IKBKB-DT: variants seen among roughly 807,000 people sequenced by gnomAD.
IKBKB-DT encodes IKBKB antisense RNA.
At chr8:42,271,088 G>T (rs1230070372) in exon 1 of IKBKB-DT, 6 of 406,042 alleles carry the variant, frequency 1.5e-5, no homozygotes, top group African/African-American at 4.3e-5. Flanking sequence ...AGAGAACAGG[G>T]TGTAACGGGG....
intron 3 of IKBKB-DT, among the ~76,000 whole-genome samples, chr8:42,262,458 A>ATTT (rs1554503755): frequency 0.034 from 5,090 of 151,710 alleles, 311 homozygotes; most frequent in African/African-American, 0.12. Flanking sequence ...TTATTTATTT[A>ATTT]AGACAGAGTC....
At chr8:42,244,029 A>G (rs578005734) in intron 3 of IKBKB-DT, among the ~76,000 whole-genome samples, 1 of 152,336 alleles carries the variant, frequency 6.6e-6, no homozygotes, top group East Asian at 1.9e-4. Flanking sequence ...TGTCTATACA[A>G]ACTGCAAAAC....
At chr8:42,261,984 A>G (rs898771759) in intron 3 of IKBKB-DT, among the ~76,000 whole-genome samples, 1 of 152,256 alleles carries the variant, frequency 6.6e-6, no homozygotes, top group African/African-American at 2.4e-5. Context: ...TTTTTAGGAC[A>G]CAAAAGGAGA....
At chr8:42,250,633 C>T (rs758137635) in intron 3 of IKBKB-DT, among the ~76,000 whole-genome samples, 31 of 151,846 alleles carry the variant, frequency 2.0e-4, no homozygotes, top group South Asian at 4.2e-4. Context: ...AAGACAGGGC[C>T]GGGAGGGGTG....
chr8:42,238,024 CAAAAAAAAAAAAAAA>C (rs35087510), intron 3 of IKBKB-DT, among the ~76,000 whole-genome samples: 2 of 35,230 alleles, frequency 5.7e-5, no homozygotes, highest in Admixed American at 4.9e-4. Flanking sequence ...GGCCCTCTCT[CAAAAAAAAAAAAAAA>C]AAAAAAAAAA....
At position 42,260,506 on chromosome 8, in the gene IKBKB-DT, C is replaced by G. The variant is rs554689762; in HGVS notation, n.1529+2823G>C. Among the ~76,000 whole-genome samples, 8 of 151,814 alleles carry G rather than the reference C, an allele frequency of 5.3e-5. No individual in the cohort carries two copies. The South Asian group carries it at 1.7e-3, about 32-fold the overall frequency. The stretch of plus-strand genomic sequence containing the variant: ...TGGTGAAACTCCGTTTTAAACCCTA[C>G]TTAAAATACAAAAATTAGCCTAGCT... On this transcript the variant is annotated intron_variant and non_coding_transcript_variant, in intron 3 of 3. Coordinates refer to ENST00000518213, the Ensembl canonical transcript of IKBKB-DT.
chr8:42,241,962 C>T (rs143169489), intron 3 of IKBKB-DT, among the ~76,000 whole-genome samples: 10 of 152,186 alleles, frequency 6.6e-5, no homozygotes, highest in Non-Finnish European at 2.9e-5. Flanking sequence ...ACCTGTAATC[C>T]CAACAGTTTG....
At position 42,257,577 on chromosome 8, in the gene IKBKB-DT, T is replaced by C. The variant is rs143202230; in HGVS notation, n.1529+5752A>G. 7.0e-4 allele frequency among the ~76,000 whole-genome samples: 106 copies of C among 152,126 alleles called. 1 individual carries two copies. In the East Asian group the frequency reaches 0.017, roughly 24 times the overall value. On this transcript the variant is annotated intron_variant and non_coding_transcript_variant, in intron 3 of 3. Transcript: ENST00000518213. Reference sequence around the variant, plus strand: ...ACTTTTTAGGGGCCTTCAGGAAAATTCCAAAGTTAGCTCAAGGTCAAAAAC... The same window carrying C: ...ACTTTTTAGGGGCCTTCAGGAAAATCCCAAAGTTAGCTCAAGGTCAAAAAC...
intron 3 of IKBKB-DT, chr8:42,249,049 A>C (rs958759856): frequency 2.0e-5 from 3 of 152,148 alleles, no homozygotes; most frequent in Admixed American, 6.5e-5. Context: ...TACAACTTTT[A>C]TTAAACATTT....
intron 3 of IKBKB-DT, among the ~76,000 whole-genome samples, chr8:42,245,733 GTAC>G (rs1334226853): frequency 1.3e-5 from 2 of 152,184 alleles, no homozygotes; most frequent in Non-Finnish European, 2.9e-5. Context: ...CCCGGAAAAT[GTAC>G]TGAAAAGATA....
At chr8:42,260,466 C>T (rs1411886782) in intron 3 of IKBKB-DT, among the ~76,000 whole-genome samples, 3 of 151,878 alleles carry the variant, frequency 2.0e-5, no homozygotes, top group Non-Finnish European at 2.9e-5. Context: ...GAGTTTGAGA[C>T]CAGCCTGACC....
intron 1 of IKBKB-DT, among the ~76,000 whole-genome samples, chr8:42,269,785 A>C (rs1308915477): frequency 6.6e-6 from 1 of 152,082 alleles, no homozygotes; most frequent in Non-Finnish European, 1.5e-5. Context: ...CAGGGCTGTC[A>C]GGCACTGCTG....
At chr8:42,252,339 C>T (rs1807140285) in intron 3 of IKBKB-DT, among the ~76,000 whole-genome samples, 1 of 152,146 alleles carries the variant, frequency 6.6e-6, no homozygotes, top group Admixed American at 6.5e-5. Flanking sequence ...TCAGGAGTCC[C>T]TCTCTCTCTG....
chr8:42,253,709 G>A (rs1807158084), intron 3 of IKBKB-DT, among the ~76,000 whole-genome samples: 1 of 152,172 alleles, frequency 6.6e-6, no homozygotes, highest in Non-Finnish European at 1.5e-5. Context: ...TACTCAGCAA[G>A]GCCATTTGTA....
At chr8:42,262,327 AAAAAGAAAAG>A (rs892962469) in intron 3 of IKBKB-DT, among the ~76,000 whole-genome samples, 1 of 151,814 alleles carries the variant, frequency 6.6e-6, no homozygotes, top group East Asian at 1.9e-4. Flanking sequence ...ATTTAAAAAA[AAAAAGAAAAG>A]AAAAGAAATA....
At chr8:42,267,653 C>T (rs1329657176) in intron 1 of IKBKB-DT, among the ~76,000 whole-genome samples, 1 of 152,128 alleles carries the variant, frequency 6.6e-6, no homozygotes, top group African/African-American at 2.4e-5. Flanking sequence ...CTAAAAAGCA[C>T]ACTCAGCCTC....
At chr8:42,262,684 C>T (rs980699126) in intron 3 of IKBKB-DT, among the ~76,000 whole-genome samples, 1 of 152,044 alleles carries the variant, frequency 6.6e-6, no homozygotes, top group Non-Finnish European at 1.5e-5. Context: ...CGTGATCCGC[C>T]CGCCTCGGCC....
chr8:42,253,080 C>T (rs927430522), intron 3 of IKBKB-DT, among the ~76,000 whole-genome samples: 1 of 152,106 alleles, frequency 6.6e-6, no homozygotes, highest in Non-Finnish European at 1.5e-5. Flanking sequence ...GAGTCTAGCA[C>T]CTTTTAAAGA....
chr8:42,238,820 T>C (rs1806957623), intron 3 of IKBKB-DT, among the ~76,000 whole-genome samples: 1 of 152,144 alleles, frequency 6.6e-6, no homozygotes, highest in Non-Finnish European at 1.5e-5. Flanking sequence ...CCCCTGTGAT[T>C]TCATCCCCTA....
Sources: allele counts gnomAD v4.1 joint callset (sites outside exome capture counted in the v4.1 genomes callset), GRCh38; gene constraint gnomAD v4.1.1; transcripts MANE v1.5; gene names NCBI Gene and HGNC (gene_info 2026-07-23, HGNC 2026-07-21).